TBC1D5: variants seen among roughly 807,000 people sequenced by gnomAD.
TBC1D5 encodes TBC1 domain family, member 5.
A neutral mutation model predicts 100.3 loss-of-function variants in TBC1D5; 75 were observed. The ratio of observed to expected loss-of-function variants is 0.75; its 90% CI spans 0.62 to 0.91. The LOEUF (loss-of-function observed/expected upper bound fraction) is 0.91, where lower values mean the gene tolerates loss of function less well. Ranked by LOEUF, TBC1D5 falls within the 40% of genes least tolerant of loss-of-function variation. TBC1D5 has a pLI of 0.00. For missense variants in TBC1D5, 910 were observed against 942.4 expected (o/e 0.97, Z 0.45); for synonymous variants, 323 against 325.6 (o/e 0.99, Z 0.09).
chr3:17,271,142 C>T (rs144512057), intron 15 of TBC1D5, among the ~76,000 whole-genome samples: 21 of 152,142 alleles, frequency 1.4e-4, no homozygotes, highest in African/African-American at 5.1e-4. Context: ...TTTTTTCTAA[C>T]TCTGAAAAAT....
At chr3:17,188,577 A>G (rs976942942) in intron 18 of TBC1D5, among the ~76,000 whole-genome samples, 1 of 152,216 alleles carries the variant, frequency 6.6e-6, no homozygotes, top group African/African-American at 2.4e-5. Flanking sequence ...TAATCTTAAA[A>G]CATTTCTAAA....
At chr3:17,728,022 C>A (rs2076260424) in intron 1 of TBC1D5, among the ~76,000 whole-genome samples, 1 of 152,028 alleles carries the variant, frequency 6.6e-6, no homozygotes, top group Non-Finnish European at 1.5e-5. Flanking sequence ...ATTGGAAGGA[C>A]AAAGGGTGGA....
intron 17 of TBC1D5, among the ~76,000 whole-genome samples, chr3:17,235,931 G>A (rs1473632339): frequency 1.3e-5 from 2 of 150,954 alleles, no homozygotes; most frequent in African/African-American, 2.4e-5. Context: ...AGATTGACAT[G>A]AGAAGAACAA....
chr3:17,404,673 A>G (rs776785432), intron 7 of TBC1D5, 21 bp downstream of exon 7: 2 of 1,580,378 alleles, frequency 1.3e-6, no homozygotes, highest in Non-Finnish European at 1.7e-6. Context: ...AGGTTAAGAC[A>G]TGAACAAAGA....
rs765286165 is a variant in TBC1D5, at chr3:17,166,797, C to CTGGCCT, written c.2058_2063dup (p.Gly687_Gln688dup). 5.0e-6 allele frequency: 8 copies of CTGGCCT among 1,613,724 alleles called. 1 individual carries two copies. In the Admixed American group the frequency reaches 5.0e-5, roughly 10 times the overall value. Reference sequence around the variant, plus strand: ...TAATGGCCCCTGACATTTGAACGCTCTGGCCTTGGCCTCGGCCCTGGCCCT... The same window carrying CTGGCCT: ...TAATGGCCCCTGACATTTGAACGCTCTGGCCTTGGCCTTGGCCTCGGCCCTGGCCCT... On this transcript the variant is annotated inframe_insertion, in exon 21 of 22. Transcript: ENST00000253692.
intron 15 of TBC1D5, among the ~76,000 whole-genome samples, chr3:17,289,951 A>G (rs578136098): frequency 6.6e-6 from 1 of 152,308 alleles, no homozygotes; most frequent in South Asian, 2.1e-4. Context: ...AACTATATCT[A>G]CCATTTTGCA....
At chr3:17,296,221 A>C (rs893675047) in intron 14 of TBC1D5, among the ~76,000 whole-genome samples, 1 of 152,254 alleles carries the variant, frequency 6.6e-6, no homozygotes, top group Non-Finnish European at 1.5e-5. Context: ...ATGAGCTAAC[A>C]AAAAAGAAAA....
intron 13 of TBC1D5, among the ~76,000 whole-genome samples, chr3:17,309,276 T>C (rs1347333573): frequency 6.6e-6 from 1 of 151,970 alleles, no homozygotes; most frequent in East Asian, 1.9e-4. Flanking sequence ...CTCACAAATA[T>C]GTATCATAGT....
intron 18 of TBC1D5, among the ~76,000 whole-genome samples, chr3:17,194,617 T>C (rs1347748707): frequency 6.6e-6 from 1 of 152,210 alleles, no homozygotes; most frequent in Non-Finnish European, 1.5e-5. Flanking sequence ...TTTTCAAACA[T>C]AAAATGCAAT....
intron 2 of TBC1D5, among the ~76,000 whole-genome samples, chr3:17,549,018 C>T (rs1352025968): frequency 2.6e-5 from 4 of 152,176 alleles, no homozygotes; most frequent in Non-Finnish European, 5.9e-5. Flanking sequence ...CAAGTGGTGG[C>T]CAGGCAGGGT....
intron 3 of TBC1D5, among the ~76,000 whole-genome samples, chr3:17,454,956 A>G (rs1323232025): frequency 6.6e-6 from 1 of 152,062 alleles, no homozygotes; most frequent in Non-Finnish European, 1.5e-5. Context: ...CAACAAAAAA[A>G]GGAAAGATAT....
intron 3 of TBC1D5, among the ~76,000 whole-genome samples, chr3:17,444,684 A>G (rs1412377769): frequency 3.3e-5 from 5 of 152,140 alleles, no homozygotes; most frequent in South Asian, 2.1e-4. Flanking sequence ...ATACATAATT[A>G]TTGTACAAAA....
intron 19 of TBC1D5, among the ~76,000 whole-genome samples, chr3:17,182,591 T>A (rs1489087680): frequency 6.6e-6 from 1 of 152,204 alleles, no homozygotes; most frequent in Admixed American, 6.5e-5. Flanking sequence ...TTTCTCCCCA[T>A]CACTTCTTTG....
chr3:17,431,513 CAT>C (rs879575776), intron 3 of TBC1D5, among the ~76,000 whole-genome samples: 21 of 152,008 alleles, frequency 1.4e-4, no homozygotes, highest in African/African-American at 3.4e-4. Context: ...AAATAAATAA[CAT>C]ATGTGTAACT....
chr3:17,484,251 T>G (rs1047553835), intron 3 of TBC1D5, among the ~76,000 whole-genome samples: 18 of 152,162 alleles, frequency 1.2e-4, no homozygotes, highest in Admixed American at 1.2e-3. Context: ...ACTCCTGATG[T>G]CATAATTAAA....
intron 18 of TBC1D5, among the ~76,000 whole-genome samples, chr3:17,210,783 T>C (rs2072888905): frequency 6.6e-6 from 1 of 152,114 alleles, no homozygotes; most frequent in Non-Finnish European, 1.5e-5. Context: ...TTCTTTTATT[T>C]TCTCTGTTCA....
intron 2 of TBC1D5, among the ~76,000 whole-genome samples, chr3:17,533,872 C>T (rs1357836834): frequency 7.0e-6 from 1 of 143,632 alleles, no homozygotes; most frequent in East Asian, 2.0e-4. Context: ...CATACATACA[C>T]AGACACACCT....
At chr3:17,447,020 G>A (rs1287223043) in intron 3 of TBC1D5, among the ~76,000 whole-genome samples, 1 of 151,604 alleles carries the variant, frequency 6.6e-6, no homozygotes, top group Non-Finnish European at 1.5e-5. Flanking sequence ...GGAATACCAA[G>A]AGAAAATTGT....
chr3:17,622,368 T>A (rs2062738143), intron 2 of TBC1D5, among the ~76,000 whole-genome samples: 1 of 152,068 alleles, frequency 6.6e-6, no homozygotes, highest in African/African-American at 2.4e-5. Context: ...GTTACTCCAA[T>A]CCTCAAAAAT....
Sources: allele counts gnomAD v4.1 joint callset (sites outside exome capture counted in the v4.1 genomes callset), GRCh38; gene constraint gnomAD v4.1.1; transcripts MANE v1.5; gene names NCBI Gene and HGNC (gene_info 2026-07-23, HGNC 2026-07-21).